Variants in CECR2 observed in about 807,000 individuals in gnomAD.
CECR2 encodes the protein CECR2 histone acetyl-lysine reader, also known as chromatin remodeling regulator CECR2.
Under a neutral mutation model 154.5 loss-of-function variants are expected in CECR2, and 30 were observed. That is an observed-to-expected ratio of 0.19 (90% CI 0.15 to 0.26). The LOEUF is 0.26. Ranked by LOEUF, CECR2 falls within the 10% of genes least tolerant of loss-of-function variation. CECR2 has a pLI of 1.00. For missense variants in CECR2, 1,743 were observed against 1,829.3 expected, an observed-to-expected ratio of 0.95 and a Z score of 0.86; for synonymous variants, 725 against 683.7, an observed-to-expected ratio of 1.06 and a Z score of -0.94.
intron 9 of CECR2, among the ~76,000 whole-genome samples, chr22:17,533,568 T>A (rs1041801976): frequency 4.0e-5 from 6 of 150,486 alleles, no homozygotes; most frequent in Non-Finnish European, 3.0e-5. Context: ...AGGCAGAGGC[T>A]ACAGTGACCT....
intron 2 of CECR2, among the ~76,000 whole-genome samples, chr22:17,494,903 C>T (rs1223094171): frequency 1.3e-5 from 2 of 151,938 alleles, no homozygotes; most frequent in African/African-American, 4.8e-5. Flanking sequence ...CCATATTGGC[C>T]AGGCTGGTCT....
intron 9 of CECR2, among the ~76,000 whole-genome samples, chr22:17,531,463 A>C: frequency 6.6e-6 from 1 of 152,224 alleles, no homozygotes; most frequent in South Asian, 2.1e-4. Flanking sequence ...TAAAACCAGC[A>C]GAGAAGGGAG....
At chr22:17,503,559 G>A (rs1164759259) in intron 6 of CECR2, among the ~76,000 whole-genome samples, 1 of 152,138 alleles carries the variant, frequency 6.6e-6, no homozygotes, top group East Asian at 1.9e-4. Flanking sequence ...CAGTGTAGTT[G>A]AGGCAGGGTA....
intron 16 of CECR2, among the ~76,000 whole-genome samples, chr22:17,547,431 C>T (rs2056631311): frequency 6.6e-6 from 1 of 152,140 alleles, no homozygotes; most frequent in African/African-American, 2.4e-5. Context: ...GGGGTTTCAC[C>T]GTGTTAGCCA....
chr22:17,506,700 G>A (rs112965621), intron 7 of CECR2, among the ~76,000 whole-genome samples: 1 of 151,994 alleles, frequency 6.6e-6, no homozygotes, highest in Non-Finnish European at 1.5e-5. Context: ...GTCACTCAGG[G>A]TGGAGTGCAG....
chr22:17,514,985 T>G (rs2056024633), intron 8 of CECR2, among the ~76,000 whole-genome samples: 1 of 147,356 alleles, frequency 6.8e-6, no homozygotes, highest in Non-Finnish European at 1.5e-5. Context: ...ATCGCACCAC[T>G]GCACTCCAGC....
chr22:17,414,501 C>A (rs200002528), intron 1 of CECR2, among the ~76,000 whole-genome samples: 71 of 132,478 alleles, frequency 5.4e-4, no homozygotes, highest in Middle Eastern at 4.0e-3. Context: ...TATCAGTTTT[C>A]TTTTTTTTTT....
chr22:17,527,918 G>A (rs559835386), intron 9 of CECR2, among the ~76,000 whole-genome samples: 4 of 152,180 alleles, frequency 2.6e-5, no homozygotes, highest in Non-Finnish European at 5.9e-5. Context: ...AACAAATACT[G>A]GTGAGAATGA....
Position 17,548,481 on chromosome 22 carries a change from G to T in CECR2, c.3194G>T (p.Gly1065Val), listed in dbSNP as rs1601206820. Residue 1065 changes from glycine (G) to valine (V), a missense_variant, in exon 17 of 19, where the codon GGA (glycine) becomes GTA (valine). Gly to Val is a moderately radical substitution (Grantham distance 109). Around this residue, in one of 4 missense-constraint regions of CECR2, gnomAD observed 1,250 missense variants for 1,192.1 expected, o/e 1.05. Coordinates refer to ENST00000262608, the MANE Select transcript of CECR2 (RefSeq NM_001290047.2). ...NGVIGEASPC[G>V]SEGKGLGSSG... ...GTCATTGGGGAAGCATCTCCTTGTGGATCGGAGGGGAAGGGCCTTGGTAGC... is the reference window on the plus strand; with the variant it reads ...GTCATTGGGGAAGCATCTCCTTGTGTATCGGAGGGGAAGGGCCTTGGTAGC... 1 of 1,613,942 alleles carries T rather than the reference G, an allele frequency of 6.2e-7. No individual in the cohort carries two copies. Among genetic ancestry groups the T allele is most frequent in the Non-Finnish European group, 8.5e-7 (1 of 1,179,882 alleles).
Position 17,378,184 on chromosome 22 carries a change from C to T in CECR2, c.126+8275C>T, listed in dbSNP as rs563510148. ...GTTTTTAGTAGAGACGGGGTTTCAC[C>T]GTGTTAGCCAGGATGGTCTGGATCT... On this transcript the variant is annotated intron_variant, in intron 1 of 18. Coordinates refer to ENST00000262608, the MANE Select transcript of CECR2 (RefSeq NM_001290047.2). Among the ~76,000 whole-genome samples, 130 of 151,158 alleles carry T rather than the reference C, an allele frequency of 8.6e-4. 4 individuals are homozygous for T. The South Asian group carries it at 0.021, about 24-fold the overall frequency.
chr22:17,512,960 A>T (rs9618040), intron 8 of CECR2, among the ~76,000 whole-genome samples: 1 of 152,152 alleles, frequency 6.6e-6, no homozygotes, highest in African/African-American at 2.4e-5. Flanking sequence ...TGTTTAGGTC[A>T]CATGAAAGAG....
At position 17,542,506 on chromosome 22, in the gene CECR2, C is replaced by T. The variant is rs1484398236; in HGVS notation, c.2363C>T (p.Pro788Leu). The T allele has an allele frequency of 6.2e-7, 1 of 1,613,982 alleles. No individual in the cohort carries two copies. ...HGATNQGPLG[P>L]DEKPHLGPGP... ...GCTACGAACCAAGGACCCTTGGGCC[C>T]AGATGAGAAGCCCCACCTGGGGCCA... is the stretch of plus-strand genomic sequence containing the variant. The change falls in exon 16 of 19, where the codon CCA becomes CTA. Residue 788 changes from proline (P) to leucine (L), a missense_variant. By Grantham distance (98) the Pro-to-Leu change is moderately conservative. Coordinates refer to ENST00000262608, the MANE Select transcript of CECR2 (RefSeq NM_001290047.2).
At chr22:17,455,853 C>G (rs1222496733) in intron 1 of CECR2, among the ~76,000 whole-genome samples, 1 of 152,128 alleles carries the variant, frequency 6.6e-6, no homozygotes, top group African/African-American at 2.4e-5. Flanking sequence ...TCAGGTGATC[C>G]GCCTGGGATT....
Position 17,552,951 on chromosome 22 carries a change from C to A in CECR2, c.*111C>A. The A allele has an allele frequency of 1.3e-6, 2 of 1,509,412 alleles. No individual in the cohort carries two copies. The highest frequency in any genetic ancestry group is 1.8e-6 in the Non-Finnish European group (2 of 1,131,674). 93.5% of individuals were successfully genotyped at this position (1,509,412 alleles called of 1,614,324 possible). A position where few individuals can be genotyped will look rare whatever the true frequency, so the allele number is the denominator to read the frequency against. ...ATTCCCATCACCTGCTCCACCCCTT[C>A]ACGGCGACCCACTCGTGCCATACTT... On this transcript the variant is annotated 3_prime_UTR_variant, in exon 19 of 19. Coordinates refer to ENST00000262608, the MANE Select transcript of CECR2 (RefSeq NM_001290047.2).
At chr22:17,393,350 A>G (rs2053759910) in intron 1 of CECR2, among the ~76,000 whole-genome samples, 1 of 152,262 alleles carries the variant, frequency 6.6e-6, no homozygotes, top group African/African-American at 2.4e-5. Flanking sequence ...GTATCAGTAT[A>G]TAATTCCTTT....
At chr22:17,526,369 T>A (rs1028014191) in intron 9 of CECR2, among the ~76,000 whole-genome samples, 3 of 152,134 alleles carry the variant, frequency 2.0e-5, no homozygotes, top group Non-Finnish European at 4.4e-5. Context: ...AGCGAACTCA[T>A]TTTCAACACA....
chr22:17,421,807 C>A (rs1299065797), intron 1 of CECR2, among the ~76,000 whole-genome samples: 1 of 150,074 alleles, frequency 6.7e-6, no homozygotes, highest in East Asian at 2.0e-4. Context: ...TGGGTGTTCC[C>A]TTCCCTTGGG....
intron 1 of CECR2, among the ~76,000 whole-genome samples, chr22:17,447,926 C>T (rs2054703029): frequency 6.6e-6 from 1 of 151,864 alleles, no homozygotes; most frequent in Admixed American, 6.6e-5. Context: ...TGGCTCGTGG[C>T]TGCTGTGTTG....
chr22:17,409,113 G>T (rs1053312260), intron 1 of CECR2, among the ~76,000 whole-genome samples: 2 of 150,806 alleles, frequency 1.3e-5, no homozygotes, highest in African/African-American at 5.0e-5. Flanking sequence ...TTTAAATGTT[G>T]TTGTTTTCTT....
Sources: allele counts gnomAD v4.1 joint callset (sites outside exome capture counted in the v4.1 genomes callset), GRCh38; gene constraint gnomAD v4.1.1; regional missense constraint gnomAD v4.1.1; transcripts MANE v1.5; gene names NCBI Gene and HGNC (gene_info 2026-07-23, HGNC 2026-07-21).